The following B3GLCT variants were observed in gnomAD, a reference collection of about 807,000 sequenced individuals.
B3GLCT encodes the protein beta 3-glucosyltransferase, also known as beta-1,3-glucosyltransferase.
Under a neutral mutation model 63.4 loss-of-function variants are expected in B3GLCT, and 65 were observed. The ratio of observed to expected loss-of-function variants is 1.03; its 90% CI spans 0.84 to 1.26. B3GLCT has a LOEUF of 1.26. B3GLCT is among the 50% of genes most tolerant of loss of function. The pLI is 0.00. For missense variants in B3GLCT, 577 were observed against 604.8 expected (o/e 0.95, Z 0.48); for synonymous variants, 233 against 219.2 (o/e 1.06, Z -0.55).
In B3GLCT at chr13:31,276,182, C is replaced by A. The variant is rs139591475; in HGVS notation, c.781-520C>A. On this transcript the variant is annotated intron_variant, in intron 9 of 14. Coordinates refer to ENST00000343307, the MANE Select transcript of B3GLCT (RefSeq NM_194318.4). ...CTACCTTTGGCAGAGGAGAAAACAT[C>A]CTTAGCCTAGACTTGGGTCGCCAGT... is the stretch of plus-strand genomic sequence containing the variant. 6.0e-3 allele frequency among the ~76,000 whole-genome samples: 909 copies of A among 152,272 alleles called. 6 individuals are homozygous for A. Among genetic ancestry groups the A allele is most frequent in the African/African-American group, 0.021 (863 of 41,542 alleles).
chr13:31,230,349 C>T (rs1870314831), intron 4 of B3GLCT, among the ~76,000 whole-genome samples: 2 of 152,118 alleles, frequency 1.3e-5, no homozygotes, highest in African/African-American at 2.4e-5. Flanking sequence ...GAAGTGCTTG[C>T]CTGTAGATAA....
intron 1 of B3GLCT, among the ~76,000 whole-genome samples, chr13:31,213,320 T>C (rs888386494): frequency 6.6e-6 from 1 of 152,180 alleles, no homozygotes; most frequent in Non-Finnish European, 1.5e-5. Context: ...GGTGGGGTGG[T>C]GGCTCAGGCC....
Position 31,199,997 on chromosome 13 carries a change from C to A in B3GLCT, c.-88C>A. On this transcript the variant is annotated 5_prime_UTR_variant, in exon 1 of 15. Coordinates refer to ENST00000343307, the MANE Select transcript of B3GLCT (RefSeq NM_194318.4). Reference sequence around the variant, plus strand: ...GGCAGAGAAGGGTCAGCCGCGGCGGCAGGGCGGCGGCGGCAGCGGCGCAGC... The same window carrying A: ...GGCAGAGAAGGGTCAGCCGCGGCGGAAGGGCGGCGGCGGCAGCGGCGCAGC... The A allele has an allele frequency of 1.3e-6, 1 of 783,888 alleles. No individual in the cohort carries two copies. The highest frequency in any genetic ancestry group is 1.8e-5 in the African/African-American group (1 of 54,224). The allele number at this position is 783,888 out of a possible 1,614,324, so 48.6% of individuals were successfully genotyped here.
rs1322612840 is a variant in B3GLCT, at chr13:31,316,878, C to A, written c.1065-688C>A. The stretch of plus-strand genomic sequence containing the variant: ...ACGGATAGTCTTACTTTAGAGAACC[C>A]AGACTAATACACTGCCCTTTGTAAG... On this transcript the variant is annotated intron_variant, in intron 12 of 14. Coordinates refer to ENST00000343307, the MANE Select transcript of B3GLCT (RefSeq NM_194318.4). Among the ~76,000 whole-genome samples, 5 of 152,254 alleles carry A rather than the reference C, an allele frequency of 3.3e-5. 1 individual carries two copies. The South Asian group carries it at 6.2e-4, about 19-fold the overall frequency.
At chr13:31,284,317 C>G (rs936846216) in intron 10 of B3GLCT, among the ~76,000 whole-genome samples, 2 of 152,032 alleles carry the variant, frequency 1.3e-5, no homozygotes, top group African/African-American at 4.8e-5. Flanking sequence ...TTTCTCTTAC[C>G]GTGCTCCGTG....
chr13:31,322,002 C>T (rs532031213), intron 13 of B3GLCT, among the ~76,000 whole-genome samples: 2 of 152,316 alleles, frequency 1.3e-5, no homozygotes, highest in East Asian at 1.9e-4. Flanking sequence ...ACCCCTCTTC[C>T]GAGTTCCCAA....
intron 4 of B3GLCT, among the ~76,000 whole-genome samples, chr13:31,236,902 G>T (rs1020943672): frequency 6.6e-6 from 1 of 152,082 alleles, no homozygotes; most frequent in Non-Finnish European, 1.5e-5. Context: ...CAAGGTGGGC[G>T]GATCACCTGA....
intron 3 of B3GLCT, among the ~76,000 whole-genome samples, chr13:31,226,814 G>A (rs1870127085): frequency 6.6e-6 from 1 of 151,998 alleles, no homozygotes; most frequent in South Asian, 2.1e-4. Context: ...AAGTTATAAA[G>A]AGAATAATAT....
intron 14 of B3GLCT, among the ~76,000 whole-genome samples, chr13:31,324,314 C>A (rs1593323078): frequency 6.6e-6 from 1 of 152,176 alleles, no homozygotes; most frequent in African/African-American, 2.4e-5. Context: ...CGCTATCTGT[C>A]TTTTCACTGA....
At chr13:31,203,881 A>G (rs1252509428) in intron 1 of B3GLCT, among the ~76,000 whole-genome samples, 2 of 152,218 alleles carry the variant, frequency 1.3e-5, no homozygotes, top group Non-Finnish European at 2.9e-5. Flanking sequence ...GATTTAACGT[A>G]GGCGTTGACT....
chr13:31,268,961 T>C (rs1012802398), intron 7 of B3GLCT, among the ~76,000 whole-genome samples: 1 of 152,180 alleles, frequency 6.6e-6, no homozygotes, highest in African/African-American at 2.4e-5. Flanking sequence ...CCCAAGGCAT[T>C]GTATTGTATT....
At chr13:31,328,327 G>A (rs535024584) in intron 14 of B3GLCT, among the ~76,000 whole-genome samples, 1 of 152,244 alleles carries the variant, frequency 6.6e-6, no homozygotes, top group Middle Eastern at 3.4e-3. Flanking sequence ...TAGTAGTCAA[G>A]ACAATTTTAG....
chr13:31,219,676 G>C (rs1386670928), intron 2 of B3GLCT, among the ~76,000 whole-genome samples: 1 of 152,194 alleles, frequency 6.6e-6, no homozygotes, highest in East Asian at 1.9e-4. Flanking sequence ...TCACAGGGCT[G>C]TTTTGAAGAT....
At chr13:31,204,487 G>T (rs1433838544) in intron 1 of B3GLCT, among the ~76,000 whole-genome samples, 1 of 152,186 alleles carries the variant, frequency 6.6e-6, no homozygotes, top group Admixed American at 6.5e-5. Context: ...GCAGAAATCA[G>T]GTAAGTGGGT....
At chr13:31,209,983 G>T (rs1335605752) in intron 1 of B3GLCT, among the ~76,000 whole-genome samples, 8 of 152,176 alleles carry the variant, frequency 5.3e-5, no homozygotes, top group Admixed American at 5.2e-4. Context: ...TCCCTCACAG[G>T]AACAGGGAAA....
In B3GLCT at chr13:31,329,496, T is replaced by C. The variant is rs377657178; in HGVS notation, c.1330-5T>C. ...AGGAAGCCTAACTCTCTATTTTTCC[T>C]GCAGGCTCGGCCGGTGGATTACCCT... On this transcript the variant is annotated splice_region_variant and splice_polypyrimidine_tract_variant and intron_variant, in intron 14 of 14. Coordinates refer to ENST00000343307, the MANE Select transcript of B3GLCT (RefSeq NM_194318.4). 4.6e-5 allele frequency: 75 copies of C among 1,614,210 alleles called. No homozygotes were observed. In the African/African-American group the frequency reaches 9.9e-4, roughly 21 times the overall value.
At chr13:31,275,809 A>ACACC in intron 9 of B3GLCT, among the ~76,000 whole-genome samples, 1 of 152,108 alleles carries the variant, frequency 6.6e-6, no homozygotes, top group Non-Finnish European at 1.5e-5. Context: ...GCACACACAC[A>ACACC]CACCCCAAAA....
At position 31,331,964 on chromosome 13, in the gene B3GLCT, CA is replaced by C. The variant is rs1875949489; in HGVS notation, c.*2299del. On this transcript the variant is annotated 3_prime_UTR_variant, in exon 15 of 15. Coordinates refer to ENST00000343307, the MANE Select transcript of B3GLCT (RefSeq NM_194318.4). ...TTTAAGCCATTTCTGATGATATAGCCAAAGCAGGTTGTCTGACTATGTAGGA... is the reference window on the plus strand; with the variant it reads ...TTTAAGCCATTTCTGATGATATAGCCAAGCAGGTTGTCTGACTATGTAGGA... 1 of 152,156 alleles carries C rather than the reference CA, an allele frequency of 6.6e-6. No individual in the cohort carries two copies. The highest frequency in any genetic ancestry group is 1.9e-4 in the East Asian group (1 of 5,194). The allele number at this position is 152,156 out of a possible 1,614,324, so 9.4% of individuals were successfully genotyped here.
chr13:31,200,078 C>T lies in B3GLCT; in HGVS notation c.-7C>T, dbSNP rs1407890882. ...CCCAGGTAGGGCGCTCAGCCTCCGC[C>T]GCCAGGATGCGGCCGCCCGCCTGCT... On this transcript the variant is annotated 5_prime_UTR_variant, in exon 1 of 15. Transcript: ENST00000343307. 3 of 1,368,092 alleles carry T rather than the reference C, an allele frequency of 2.2e-6. No individual in the cohort carries two copies. The highest frequency in any genetic ancestry group is 1.5e-5 in the African/African-American group (1 of 65,828). 84.7% of individuals were successfully genotyped at this position (1,368,092 alleles called of 1,614,324 possible).
Sources: allele counts gnomAD v4.1 joint callset (sites outside exome capture counted in the v4.1 genomes callset), GRCh38; gene constraint gnomAD v4.1.1; transcripts MANE v1.5; gene names NCBI Gene and HGNC (gene_info 2026-07-23, HGNC 2026-07-21).